The following IGF1R variants were observed in gnomAD, a reference collection of about 807,000 sequenced individuals.
IGF1R encodes the protein insulin like growth factor 1 receptor, also known as insulin-like growth factor 1 receptor.
In IGF1R, 44 loss-of-function variants were observed where a neutral mutation model predicts 144.6. The observed-to-expected ratio is 0.30, with a 90% CI of 0.24 to 0.39. The LOEUF (loss-of-function observed/expected upper bound fraction) is 0.39, where lower values mean the gene tolerates loss of function less well. Ranked by LOEUF, IGF1R falls within the 10% of genes least tolerant of loss-of-function variation. IGF1R has a pLI of 1.00. For missense variants in IGF1R, 1,355 were observed against 1,833.7 expected, an observed-to-expected ratio of 0.74 and a Z score of 4.77; for synonymous variants, 795 against 722.8, an observed-to-expected ratio of 1.10 and a Z score of -1.60.
intron 13 of IGF1R, among the ~76,000 whole-genome samples, chr15:98,928,800 T>C (rs1474979009): frequency 6.6e-6 from 1 of 152,132 alleles, no homozygotes; most frequent in African/African-American, 2.4e-5. Flanking sequence ...CAGCCTAGCA[T>C]CTGCCATACA....
At chr15:98,667,646 A>T (rs2052778564) in intron 1 of IGF1R, among the ~76,000 whole-genome samples, 1 of 151,872 alleles carries the variant, frequency 6.6e-6, no homozygotes, top group Non-Finnish European at 1.5e-5. Context: ...GACCTGCTGG[A>T]TTCCAAAGAA....
chr15:98,911,467 A>G lies in IGF1R; in HGVS notation c.1589+26A>G, dbSNP rs748674118. On this transcript the variant is annotated intron_variant, in intron 7 of 20. Coordinates refer to ENST00000650285, the MANE Select transcript of IGF1R (RefSeq NM_000875.5). ...GTGAGTTTCTGCTTTGGGTGATGCCATTCTGTTGACAGGGCTACGAATGGG... is the reference window on the plus strand; with the variant it reads ...GTGAGTTTCTGCTTTGGGTGATGCCGTTCTGTTGACAGGGCTACGAATGGG... The G allele has an allele frequency of 5.0e-6, 8 of 1,613,904 alleles. No individual in the cohort carries two copies. In the African/African-American group the frequency reaches 6.7e-5, roughly 13 times the overall value.
intron 1 of IGF1R, among the ~76,000 whole-genome samples, chr15:98,676,891 C>T (rs1044304853): frequency 6.6e-6 from 1 of 151,782 alleles, no homozygotes; most frequent in African/African-American, 2.4e-5. Flanking sequence ...ATCTTTATTC[C>T]CCATTGTTTA....
intron 2 of IGF1R, among the ~76,000 whole-genome samples, chr15:98,832,393 A>G (rs1031758420): frequency 1.3e-5 from 2 of 152,176 alleles, no homozygotes; most frequent in Non-Finnish European, 2.9e-5. Context: ...TTTTAAATGA[A>G]TGACCTACTG....
At position 98,658,416 on chromosome 15, in the gene IGF1R, G is replaced by A. The variant is rs73473430; in HGVS notation, c.94+8741G>A. The stretch of plus-strand genomic sequence containing the variant: ...AAATGCGGAGACTTAAAAATATTTG[G>A]GGGAGACATTTCTCCTTTTCTCACT... On this transcript the variant is annotated intron_variant, in intron 1 of 20. Transcript: ENST00000650285. Among the ~76,000 whole-genome samples, 1,232 of 152,200 alleles carry A rather than the reference G, an allele frequency of 8.1e-3. 20 individuals carry two copies. The highest frequency in any genetic ancestry group is 0.029 in the African/African-American group (1,186 of 41,526).
intron 2 of IGF1R, chr15:98,784,630 C>T (rs2055944911): frequency 6.5e-6 from 1 of 154,018 alleles, no homozygotes; most frequent in Non-Finnish European, 1.5e-5. Flanking sequence ...TGTAAAACTG[C>T]AGGTAGTCAG....
intron 2 of IGF1R, chr15:98,784,340 A>C (rs1165688160): frequency 6.6e-6 from 1 of 152,332 alleles, no homozygotes; most frequent in Non-Finnish European, 1.5e-5. Context: ...CCTAGGGGTA[A>C]TCTTACCCCT....
At chr15:98,832,912 C>G (rs141795690) in intron 2 of IGF1R, among the ~76,000 whole-genome samples, 1 of 152,292 alleles carries the variant, frequency 6.6e-6, no homozygotes, top group East Asian at 1.9e-4. Flanking sequence ...GCTTTAGAAC[C>G]TAGACAGTCT....
At chr15:98,795,300 T>A (rs2056213706) in intron 2 of IGF1R, among the ~76,000 whole-genome samples, 1 of 152,250 alleles carries the variant, frequency 6.6e-6, no homozygotes, top group South Asian at 2.1e-4. Context: ...TAAATTAAAT[T>A]CATGTATTTT....
Position 98,908,758 on chromosome 15 carries a change from A to G in IGF1R, c.1321A>G (p.Ile441Val), listed in dbSNP as rs368705943. 17 of 1,614,104 alleles carry G rather than the reference A, an allele frequency of 1.1e-5. No individual in the cohort carries two copies. The highest frequency in any genetic ancestry group is 2.7e-5 in the African/African-American group (2 of 74,938). Residue 441 changes from isoleucine (I) to valine (V), a missense_variant, in exon 6 of 21, where the codon ATC becomes GTC. This residue lies in a region of IGF1R where 880 missense variants were observed against 1,202.7 expected (regional missense o/e 0.73). Coordinates refer to ENST00000650285, the MANE Select transcript of IGF1R (RefSeq NM_000875.5). ...GGACTGGGACCACCGCAACCTGACC[A>G]TCAAAGCAGGGAAAATGTACTTTGC... Reference protein sequence around the residue: ...LWDWDHRNLTIKAGKMYFAFN... With the variant: ...LWDWDHRNLTVKAGKMYFAFN...
At chr15:98,730,321 T>A (rs1253451717) in intron 2 of IGF1R, among the ~76,000 whole-genome samples, 1 of 152,162 alleles carries the variant, frequency 6.6e-6, no homozygotes, top group Non-Finnish European at 1.5e-5. Context: ...AAATAAGTGT[T>A]TTGAAATCAC....
At chr15:98,702,159 T>C (rs546293190) in intron 1 of IGF1R, among the ~76,000 whole-genome samples, 37 of 152,080 alleles carry the variant, frequency 2.4e-4, no homozygotes, top group African/African-American at 8.7e-4. Context: ...CCAAATGCTT[T>C]TCTTTAGCCC....
chr15:98,864,555 A>G lies in IGF1R; in HGVS notation c.641-26770A>G, dbSNP rs371266188. On this transcript the variant is annotated intron_variant, in intron 2 of 20. Coordinates refer to ENST00000650285, the MANE Select transcript of IGF1R (RefSeq NM_000875.5). ...CAGGCGTGTGCCACCATGCCCAGCT[A>G]ATTTTTTAATTTTTCGTAGAGATGG... 5.3e-5 allele frequency among the ~76,000 whole-genome samples: 8 copies of G among 152,028 alleles called. No homozygotes were observed. The East Asian group carries it at 5.8e-4, about 11-fold the overall frequency.
chr15:98,701,615 A>C (rs1471793445), intron 1 of IGF1R, among the ~76,000 whole-genome samples: 1 of 152,112 alleles, frequency 6.6e-6, no homozygotes, highest in Non-Finnish European at 1.5e-5. Context: ...CTGGTATTAC[A>C]GGCATGAGCC....
intron 1 of IGF1R, among the ~76,000 whole-genome samples, chr15:98,694,944 C>T (rs2053563657): frequency 6.6e-6 from 1 of 152,136 alleles, no homozygotes; most frequent in Non-Finnish European, 1.5e-5. Context: ...TGATGAGTGG[C>T]AGTTGCCTGA....
chr15:98,756,892 A>C (rs559273419), intron 2 of IGF1R, among the ~76,000 whole-genome samples: 7 of 152,172 alleles, frequency 4.6e-5, no homozygotes, highest in Admixed American at 3.9e-4. Context: ...TCTGTCCTTG[A>C]ATTTTTCTTT....
At chr15:98,878,715 A>G (rs2013208283) in intron 2 of IGF1R, among the ~76,000 whole-genome samples, 2 of 147,870 alleles carry the variant, frequency 1.4e-5, no homozygotes, top group Admixed American at 6.7e-5. Flanking sequence ...AAAAAAGGCC[A>G]GGCACGGTGG....
chr15:98,656,450 G>A (rs2052486921), intron 1 of IGF1R, among the ~76,000 whole-genome samples: 1 of 152,174 alleles, frequency 6.6e-6, no homozygotes, highest in Non-Finnish European at 1.5e-5. Flanking sequence ...GTGAGAGGCT[G>A]AGGCAGGAGA....
intron 1 of IGF1R, among the ~76,000 whole-genome samples, chr15:98,683,979 A>G (rs2053257488): frequency 6.6e-6 from 1 of 152,134 alleles, no homozygotes; most frequent in Non-Finnish European, 1.5e-5. Context: ...GAGGCTTAGT[A>G]GGGCTGCCCT....
Sources: gnomAD v4.1 joint callset for allele counts (sites outside exome capture counted in the v4.1 genomes callset) on GRCh38, gnomAD v4.1.1 for gene constraint, gnomAD v4.1.1 regional missense constraint, MANE v1.5 for transcripts, NCBI Gene and HGNC (gene_info 2026-07-23, HGNC 2026-07-21) for gene names.